The following IQSEC1 variants were observed in gnomAD, a reference collection of about 807,000 sequenced individuals.
The protein encoded by IQSEC1 is IQ motif and Sec7 domain ArfGEF 1.
In IQSEC1, 31 loss-of-function variants were observed where a neutral mutation model predicts 91.0. That is an observed-to-expected ratio of 0.34 (90% CI 0.26 to 0.46). IQSEC1 has a LOEUF of 0.46. Ranked by LOEUF, IQSEC1 falls within the 20% of genes least tolerant of loss-of-function variation. The pLI, the probability that IQSEC1 is intolerant of heterozygous loss-of-function variation, is 1.00. For synonymous variants in IQSEC1, 699 were observed against 662.6 expected, an observed-to-expected ratio of 1.05 and a Z score of -0.84; for missense variants, 1,388 against 1,575.6, an observed-to-expected ratio of 0.88 and a Z score of 2.02.
intron 1 of IQSEC1, among the ~76,000 whole-genome samples, chr3:13,057,850 C>T (rs2125080057): frequency 6.6e-6 from 1 of 152,366 alleles, no homozygotes; most frequent in East Asian, 1.9e-4. Flanking sequence ...TCCCCCACCC[C>T]ATGCCTGCAC....
At chr3:13,036,751 T>C (rs1359054407) in intron 1 of IQSEC1, among the ~76,000 whole-genome samples, 1 of 152,192 alleles carries the variant, frequency 6.6e-6, no homozygotes, top group East Asian at 1.9e-4. Context: ...GGGGAGCTTG[T>C]CCCAAAGTGA....
At chr3:13,183,220 T>G (rs984635945) in intron 1 of IQSEC1, among the ~76,000 whole-genome samples, 2 of 150,126 alleles carry the variant, frequency 1.3e-5, no homozygotes, top group Non-Finnish European at 3.0e-5. Flanking sequence ...CATAAATAAA[T>G]AAAAAAGAAA....
rs1254812421 is a variant in IQSEC1 at position 12,979,043 on chromosome 3, G to A, written c.24-37178C>T. Among the ~76,000 whole-genome samples, 2 of 152,230 alleles carry A rather than the reference G, an allele frequency of 1.3e-5. No homozygotes were observed. Among genetic ancestry groups the A allele is most frequent in the Non-Finnish European group, 1.5e-5 (1 of 68,042 alleles). ...TGCGCTGTGGGGCATGAGGCCAGTGGACCGAGCAGGAGCTTCATCCTGTGA... is the reference window on the plus strand; with the variant it reads ...TGCGCTGTGGGGCATGAGGCCAGTGAACCGAGCAGGAGCTTCATCCTGTGA... On this transcript the variant is annotated intron_variant, in intron 1 of 13. Coordinates refer to ENST00000613206, the MANE Select transcript of IQSEC1 (RefSeq NM_001134382.3). This position sits in a 1 kb window ranked among gnomAD's most constrained non-coding sequence, Gnocchi z 4.3.
chr3:13,198,118 G>A (rs1334808677), intron 1 of IQSEC1, among the ~76,000 whole-genome samples: 1 of 152,106 alleles, frequency 6.6e-6, no homozygotes, highest in Non-Finnish European at 1.5e-5. Flanking sequence ...GCTGAGCTCA[G>A]GCCACGTGGC....
At chr3:13,215,943 C>T (rs1283535338) in intron 1 of IQSEC1, among the ~76,000 whole-genome samples, 2 of 152,210 alleles carry the variant, frequency 1.3e-5, no homozygotes, top group Non-Finnish European at 2.9e-5. Context: ...GCTTCCAAAC[C>T]AAATCTCTGT....
chr3:13,242,221 G>T (rs1343544926), intron 1 of IQSEC1, among the ~76,000 whole-genome samples: 1 of 152,182 alleles, frequency 6.6e-6, no homozygotes, highest in African/African-American at 2.4e-5. Context: ...GGCTCGAGCT[G>T]GTCTCCAGGT....
At chr3:13,263,074 C>G (rs1428744765) in intron 1 of IQSEC1, among the ~76,000 whole-genome samples, 1 of 152,046 alleles carries the variant, frequency 6.6e-6, no homozygotes, top group African/African-American at 2.4e-5. Flanking sequence ...ATGGTGAAAC[C>G]TTGTCTCTAC....
intron 2 of IQSEC1, among the ~76,000 whole-genome samples, chr3:13,136,084 C>T (rs1318380510): frequency 5.3e-5 from 8 of 152,360 alleles, no homozygotes; most frequent in Non-Finnish European, 4.4e-5. Context: ...GCCTGCGGGA[C>T]ATGCACTCCA....
intron 1 of IQSEC1, among the ~76,000 whole-genome samples, chr3:13,181,203 G>A (rs2125017982): frequency 6.6e-6 from 1 of 152,304 alleles, no homozygotes; most frequent in East Asian, 1.9e-4. Context: ...CTCGGGAGGT[G>A]GAGCTTGCAG....
chr3:12,996,495 G>A (rs1479945569), intron 1 of IQSEC1, among the ~76,000 whole-genome samples: 1 of 152,092 alleles, frequency 6.6e-6, no homozygotes, highest in East Asian at 1.9e-4. Flanking sequence ...AATGCACTGT[G>A]TAAATATTTT....
At chr3:13,253,380 G>C (rs1339680566) in intron 1 of IQSEC1, among the ~76,000 whole-genome samples, 1 of 152,150 alleles carries the variant, frequency 6.6e-6, no homozygotes, top group African/African-American at 2.4e-5. Flanking sequence ...CTGGTCAGCA[G>C]ATTCCTCCCC....
chr3:12,925,221 A>G (rs1269694426), intron 3 of IQSEC1, among the ~76,000 whole-genome samples: 1 of 152,188 alleles, frequency 6.6e-6, no homozygotes, highest in Non-Finnish European at 1.5e-5. Context: ...GAAAGCCGCC[A>G]TGCCAGGCTG....
chr3:12,939,226 G>A (rs1397418476), intron 2 of IQSEC1, among the ~76,000 whole-genome samples: 1 of 152,228 alleles, frequency 6.6e-6, no homozygotes, highest in Non-Finnish European at 1.5e-5. Flanking sequence ...CTGGATAGAG[G>A]AGTCGACCCC....
intron 1 of IQSEC1, among the ~76,000 whole-genome samples, chr3:13,071,162 T>TTG (rs1384197609): frequency 1.7e-5 from 2 of 120,938 alleles, no homozygotes; most frequent in Admixed American, 8.0e-5. Context: ...TGTTTTTTTT[T>TTG]TTTTGTTTGT....
chr3:13,136,049 T>A (rs1023060435), intron 2 of IQSEC1, among the ~76,000 whole-genome samples: 1 of 152,214 alleles, frequency 6.6e-6, no homozygotes, highest in African/African-American at 2.4e-5. Context: ...TTGCATGTCC[T>A]GGCCATGGGA....
rs545912933 is a variant in IQSEC1, at chr3:13,193,996, C to T, written c.273-29863G>A. On this transcript the variant is annotated intron_variant, in intron 1 of 15. Transcript: ENST00000648114. The surrounding 1 kb of genome is among the most constrained non-coding windows in gnomAD (Gnocchi z 4.2). ...GGTGGTTTCTCTGGCAGCCTCTCTC[C>T]CTCCTTGGCTGGCCGACAGCCCCCT... Among the ~76,000 whole-genome samples, 1 of 152,256 alleles carries T rather than the reference C, an allele frequency of 6.6e-6. No individual in the cohort carries two copies. Among genetic ancestry groups the T allele is most frequent in the African/African-American group, 2.4e-5 (1 of 41,544 alleles).
chr3:12,997,238 A>G lies in IQSEC1; in HGVS notation c.24-55373T>C, dbSNP rs189552382. Among the ~76,000 whole-genome samples the G allele has an allele frequency of 2.6e-4, 39 of 152,350 alleles. No individual in the cohort carries two copies. The East Asian group carries it at 7.3e-3, about 29-fold the overall frequency. On this transcript the variant is annotated intron_variant, in intron 1 of 13. Coordinates refer to ENST00000613206, the MANE Select transcript of IQSEC1 (RefSeq NM_001134382.3). ...TTTTGTGTACAAGTTAAAAGGCTCT[A>G]TGTAGATGTGTGTGGGAATTTCCTA...
At chr3:13,130,992 A>C (rs1706604112) in intron 2 of IQSEC1, among the ~76,000 whole-genome samples, 1 of 141,170 alleles carries the variant, frequency 7.1e-6, no homozygotes, top group South Asian at 2.3e-4. Flanking sequence ...AGAGAGAGAA[A>C]GAAAAGAAGG....
At chr3:13,173,389 C>T (rs2125004293) in intron 1 of IQSEC1, among the ~76,000 whole-genome samples, 1 of 152,336 alleles carries the variant, frequency 6.6e-6, no homozygotes, top group Non-Finnish European at 1.5e-5. Context: ...TCAGCACCTG[C>T]AGCCCGGGCT....
Sources: gnomAD v4.1 joint callset for allele counts (sites outside exome capture counted in the v4.1 genomes callset) on GRCh38, gnomAD v4.1.1 for gene constraint, Gnocchi (gnomAD v3.1) non-coding constraint, MANE v1.5 for transcripts, NCBI Gene and HGNC (gene_info 2026-07-23, HGNC 2026-07-21) for gene names.